Variants in PHLPP1 observed in about 807,000 individuals in gnomAD.
PHLPP1 encodes the protein PH domain and leucine rich repeat protein phosphatase 1.
In PHLPP1, 42 loss-of-function variants were observed where a neutral mutation model predicts 117.2. The observed-to-expected ratio is 0.36, with a 90% CI of 0.28 to 0.46. The LOEUF (loss-of-function observed/expected upper bound fraction) is 0.46. PHLPP1 is among the 20% of genes least tolerant of loss of function. The pLI is 1.00. For synonymous variants in PHLPP1, 1,042 were observed against 970.7 expected (o/e 1.07, Z -1.37); for missense variants, 2,084 against 2,241.9 (o/e 0.93, Z 1.42).
chr18:62,811,427 G>A (rs1208861689), intron 1 of PHLPP1, among the ~76,000 whole-genome samples: 1 of 152,148 alleles, frequency 6.6e-6, no homozygotes, highest in Non-Finnish European at 1.5e-5. Flanking sequence ...AGGATGTAAA[G>A]TTGTGTATAT....
At chr18:62,916,978 T>C (rs1021963249) in intron 9 of PHLPP1, among the ~76,000 whole-genome samples, 4 of 150,458 alleles carry the variant, frequency 2.7e-5, no homozygotes, top group African/African-American at 9.7e-5. Context: ...GTTCTTGAAC[T>C]CCTGACCTCA....
At chr18:62,872,381 G>T (rs1406182885) in intron 4 of PHLPP1, among the ~76,000 whole-genome samples, 1 of 152,138 alleles carries the variant, frequency 6.6e-6, no homozygotes, top group African/African-American at 2.4e-5. Flanking sequence ...AGGGAGTTTT[G>T]TTTCTTGATT....
At chr18:62,903,715 G>A (rs570913289) in intron 7 of PHLPP1, among the ~76,000 whole-genome samples, 5 of 150,482 alleles carry the variant, frequency 3.3e-5, no homozygotes, top group African/African-American at 7.4e-5. Flanking sequence ...GGCTGCGGTC[G>A]TCTGAGATCA....
rs1284018588 is a variant in PHLPP1 at position 62,945,311 on chromosome 18, G to A, written c.3324+40G>A. On this transcript the variant is annotated intron_variant, in intron 12 of 16. Coordinates refer to ENST00000262719, the MANE Select transcript of PHLPP1 (RefSeq NM_194449.4). ...TTCATAAACTCTAAGCTTCAGGTCGGCAAAGAAAGTTGACTTCCTAACTCA... is the reference window on the plus strand; with the variant it reads ...TTCATAAACTCTAAGCTTCAGGTCGACAAAGAAAGTTGACTTCCTAACTCA... The A allele has an allele frequency of 5.3e-6, 8 of 1,515,624 alleles. No homozygotes were observed. In the South Asian group the frequency reaches 1.0e-4, roughly 20 times the overall value. 93.9% of individuals were successfully genotyped at this position (1,515,624 alleles called of 1,614,324 possible). A position where few individuals can be genotyped will look rare whatever the true frequency, so the allele number is the denominator to read the frequency against.
chr18:62,879,601 G>T (rs1916127357), intron 4 of PHLPP1, among the ~76,000 whole-genome samples: 1 of 152,072 alleles, frequency 6.6e-6, no homozygotes, highest in Admixed American at 6.6e-5. Flanking sequence ...TTAGTAGACA[G>T]GGTTCACCGT....
intron 1 of PHLPP1, among the ~76,000 whole-genome samples, chr18:62,791,670 A>G (rs1913461769): frequency 6.6e-6 from 1 of 152,252 alleles, no homozygotes; most frequent in South Asian, 2.1e-4. Context: ...TGCGTTAGGA[A>G]AGCAAGATAG....
intron 12 of PHLPP1, among the ~76,000 whole-genome samples, chr18:62,948,388 T>C (rs1910360227): frequency 6.6e-6 from 1 of 152,200 alleles, no homozygotes; most frequent in Non-Finnish European, 1.5e-5. Context: ...CAAATTTTGC[T>C]GTATGAAAAC....
intron 9 of PHLPP1, among the ~76,000 whole-genome samples, chr18:62,916,605 G>GGGGTGTGTGTGTGTGTGT (rs1555681660): frequency 0.023 from 3,323 of 145,788 alleles, 40 homozygotes; most frequent in South Asian, 0.05. Flanking sequence ...CAAGAGGGTG[G>GGGGTGTGTGTGTGTGTGT]GTGTGTGTGT....
chr18:62,978,879 C>A lies in PHLPP1; in HGVS notation c.4602C>A (p.Ala1534=), dbSNP rs1370470390. The change falls in exon 17 of 17, where the codon GCC becomes GCA. Residue 1534 remains alanine, a synonymous_variant. Coordinates refer to ENST00000262719, the MANE Select transcript of PHLPP1 (RefSeq NM_194449.4). This position sits in a 1 kb window ranked among gnomAD's most constrained non-coding sequence, Gnocchi z 7.0. Reference sequence around the variant, plus strand: ...CCTTCCAGCGCCAGCTATCCAGCGCCACGTTCTCTAGCGCCTTCTCCGACA... The same window carrying A: ...CCTTCCAGCGCCAGCTATCCAGCGCAACGTTCTCTAGCGCCTTCTCCGACA... ...SNSFQRQLSS[A]TFSSAFSDNG... 1 of 1,607,126 alleles carries A rather than the reference C, an allele frequency of 6.2e-7. No individual in the cohort carries two copies. The highest frequency in any genetic ancestry group is 8.5e-7 in the Non-Finnish European group (1 of 1,176,932).
At chr18:62,920,635 C>G (rs1275611870) in intron 10 of PHLPP1, among the ~76,000 whole-genome samples, 1 of 151,944 alleles carries the variant, frequency 6.6e-6, no homozygotes, top group African/African-American at 2.4e-5. Context: ...TCTCGGCTCA[C>G]TGGAACCTCT....
intron 4 of PHLPP1, among the ~76,000 whole-genome samples, chr18:62,877,332 A>G (rs1599097800): frequency 6.6e-6 from 1 of 152,338 alleles, no homozygotes; most frequent in African/African-American, 2.4e-5. Context: ...TCATTAGCAT[A>G]GTGAAATAAA....
At chr18:62,896,877 C>T (rs1916577256) in intron 6 of PHLPP1, among the ~76,000 whole-genome samples, 1 of 152,188 alleles carries the variant, frequency 6.6e-6, no homozygotes, top group Admixed American at 6.5e-5. Context: ...ATAAAGGAAT[C>T]AGACCTGTCC....
chr18:62,826,787 G>A (rs760273180), intron 1 of PHLPP1, among the ~76,000 whole-genome samples: 12 of 152,234 alleles, frequency 7.9e-5, no homozygotes, highest in Non-Finnish European at 1.5e-4. Context: ...TGGATCACGA[G>A]GTCAGGAGTT....
chr18:62,766,076 A>AAAAAAAAAATATATATAT, intron 1 of PHLPP1, among the ~76,000 whole-genome samples: 2 of 21,648 alleles, frequency 9.2e-5, no homozygotes, highest in African/African-American at 1.5e-4. Context: ...AAAAAAAAAA[A>AAAAAAAAAATATATATAT]ATATATATAT....
At chr18:62,938,596 T>C (rs529034091) in intron 10 of PHLPP1, among the ~76,000 whole-genome samples, 20 of 152,368 alleles carry the variant, frequency 1.3e-4, no homozygotes, top group Non-Finnish European at 2.5e-4. Flanking sequence ...AGTCAGACTT[T>C]ATGCAGTTCA....
At chr18:62,880,206 GT>G (rs765091810) in intron 4 of PHLPP1, among the ~76,000 whole-genome samples, 2,085 of 145,202 alleles carry the variant, frequency 0.014, 26 homozygotes, top group African/African-American at 0.032. Flanking sequence ...GGGTGTTAGG[GT>G]TTTTTTTTTT....
At chr18:62,880,401 T>C (rs1180296868) in intron 4 of PHLPP1, among the ~76,000 whole-genome samples, 2 of 152,238 alleles carry the variant, frequency 1.3e-5, no homozygotes, top group African/African-American at 4.8e-5. Context: ...TATATCTTTA[T>C]GTGACTTGAG....
At chr18:62,854,669 C>T (rs1915447572) in intron 3 of PHLPP1, among the ~76,000 whole-genome samples, 1 of 148,240 alleles carries the variant, frequency 6.7e-6, no homozygotes, top group African/African-American at 2.5e-5. Context: ...AGTACTGGCT[C>T]TTGTTCAAAC....
intron 3 of PHLPP1, among the ~76,000 whole-genome samples, chr18:62,858,403 C>T (rs1915551369): frequency 1.3e-5 from 2 of 152,016 alleles, no homozygotes; most frequent in African/African-American, 2.4e-5. Context: ...GCCGGGATTA[C>T]AGGCACCCAC....
Sources: gnomAD v4.1 joint callset for allele counts (sites outside exome capture counted in the v4.1 genomes callset) on GRCh38, gnomAD v4.1.1 for gene constraint, Gnocchi (gnomAD v3.1) non-coding constraint, MANE v1.5 for transcripts, NCBI Gene and HGNC (gene_info 2026-07-23, HGNC 2026-07-21) for gene names.